Variants in CSN3 observed in about 807,000 individuals in gnomAD.
CSN3 encodes the protein casein kappa.
A neutral mutation model predicts 9.9 loss-of-function variants in CSN3; 7 were observed. The observed-to-expected ratio is 0.71, with a 90% CI of 0.40 to 1.33. The LOEUF (loss-of-function observed/expected upper bound fraction) is 1.33, where lower values mean the gene tolerates loss of function less well. Among genes scored for constraint, CSN3 ranks in the 40% most tolerant of loss-of-function variants. The pLI is 0.01. For synonymous variants in CSN3, 88 were observed against 82.3 expected (o/e 1.07, Z -0.37); for missense variants, 253 against 227.9 (o/e 1.11, Z -0.71).
At chr4:70,245,010 AT>A (rs1199898144) in intron 2 of CSN3, 137 bp downstream of exon 2, 2 of 398,958 alleles carry the variant, frequency 5.0e-6, no homozygotes, top group Non-Finnish European at 8.8e-6. Flanking sequence ...TTTAAGGTTA[AT>A]TTTTTTAATA....
chr4:70,249,527 AC>A, intron 4 of CSN3, 34 bp downstream of exon 4: 1 of 1,197,110 alleles, frequency 8.4e-7, no homozygotes, highest in Non-Finnish European at 1.2e-6. Flanking sequence ...AGTAATTCCG[AC>A]AAGAAGCATG....
Position 70,247,805 on chromosome 4 carries a change from T to C in CSN3, c.55-13T>C. 1 of 1,583,520 alleles carries C rather than the reference T, an allele frequency of 6.3e-7. No homozygotes were observed. The highest frequency in any genetic ancestry group is 8.6e-7 in the Non-Finnish European group (1 of 1,169,048). On this transcript the variant is annotated splice_polypyrimidine_tract_variant and intron_variant, in intron 2 of 4. Transcript: ENST00000304954. Reference sequence around the variant, plus strand: ...ACTTATTTCTCATTATTTCTTCTTCTGGAACTCCCCAGGCTGTGGAGGTTC... The same window carrying C: ...ACTTATTTCTCATTATTTCTTCTTCCGGAACTCCCCAGGCTGTGGAGGTTC...
intron 1 of CSN3, among the ~76,000 whole-genome samples, chr4:70,244,211 T>C (rs944623207): frequency 6.6e-6 from 1 of 152,100 alleles, no homozygotes; most frequent in Non-Finnish European, 1.5e-5. Flanking sequence ...TTTTAACCCA[T>C]CATTATCTTA....
At chr4:70,246,353 A>G (rs1730376787) in intron 2 of CSN3, among the ~76,000 whole-genome samples, 1 of 152,136 alleles carries the variant, frequency 6.6e-6, no homozygotes, top group Non-Finnish European at 1.5e-5. Context: ...GGTATTAACG[A>G]AAATTATTAA....
At chr4:70,248,038 A>T (rs773517165) in intron 3 of CSN3, among the ~76,000 whole-genome samples, 188 bp downstream of exon 3, 2 of 152,190 alleles carry the variant, frequency 1.3e-5, no homozygotes, top group Non-Finnish European at 2.9e-5. Flanking sequence ...GTTCATCTGA[A>T]AGTTTTATTT....
intron 2 of CSN3, 56 bp from the exon 3 acceptor site, chr4:70,247,762 C>T: frequency 7.3e-7 from 1 of 1,376,912 alleles, no homozygotes; most frequent in Non-Finnish European, 1.0e-6. Context: ...GATTTAAGTA[C>T]TTTTTTTTTC....
At chr4:70,249,483 A>T (rs749896746) in exon 4 of CSN3, 1 of 1,558,146 alleles carries the variant, frequency 6.4e-7, no homozygotes, top group Non-Finnish European at 8.8e-7. Flanking sequence ...ATATCAAAGA[A>T]CACAACGCAG....
In CSN3 at chr4:70,249,455, CAT is replaced by C; in HGVS notation, c.547_548del (p.Ter183LysfsTer15). The C allele has an allele frequency of 6.2e-7, 1 of 1,608,286 alleles. No homozygotes were observed. Among genetic ancestry groups the C allele is most frequent in the Non-Finnish European group, 8.5e-7 (1 of 1,175,488 alleles). The stretch of plus-strand genomic sequence containing the variant: ...ACAGTTGCAGTTACTCCACCTACGG[CAT>C]AAAAACACCAAGGAAATATCAAAGA... On this transcript the variant is annotated frameshift_variant and stop_lost, in exon 4 of 5. Coordinates refer to ENST00000304954, the Ensembl canonical transcript of CSN3. LOFTEE classifies it low-confidence loss of function (END_TRUNC).
At chr4:70,244,973 A>C in intron 2 of CSN3, 100 bp downstream of exon 2, 1 of 550,336 alleles carries the variant, frequency 1.8e-6, no homozygotes, top group Non-Finnish European at 3.1e-6. Context: ...GCTTCATAGA[A>C]CAAAATATCC....
intron 2 of CSN3, among the ~76,000 whole-genome samples, chr4:70,247,126 G>A (rs1730393899): frequency 1.3e-5 from 2 of 151,800 alleles, no homozygotes; most frequent in Non-Finnish European, 2.9e-5. Flanking sequence ...TATACCCAAG[G>A]AATACATGTG....
intron 2 of CSN3, among the ~76,000 whole-genome samples, chr4:70,246,390 T>C (rs62308382): frequency 0.11 from 17,228 of 152,096 alleles, 1,279 homozygotes; most frequent in East Asian, 0.27. Context: ...CAGATGTTAA[T>C]CATCACTCTG....
At chr4:70,246,061 C>A (rs925695594) in intron 2 of CSN3, among the ~76,000 whole-genome samples, 8 of 147,230 alleles carry the variant, frequency 5.4e-5, no homozygotes, top group African/African-American at 1.7e-4. Context: ...GGGACATGAA[C>A]AAATATACAG....
intron 2 of CSN3, among the ~76,000 whole-genome samples, chr4:70,247,420 G>C (rs1730401386): frequency 6.6e-6 from 1 of 152,040 alleles, no homozygotes; most frequent in South Asian, 2.1e-4. Flanking sequence ...TAGTATGAGA[G>C]CAGAGAAAGG....
upstream of CSN3, among the ~76,000 whole-genome samples, chr4:70,241,103 A>G (rs1308457180): frequency 2.6e-5 from 4 of 152,070 alleles, no homozygotes; most frequent in South Asian, 2.1e-4. Flanking sequence ...ATTACTCTAA[A>G]TAAATGGCTG....
intron 2 of CSN3, among the ~76,000 whole-genome samples, chr4:70,246,286 C>T (rs1430257478): frequency 6.6e-6 from 1 of 152,026 alleles, no homozygotes; most frequent in African/African-American, 2.4e-5. Flanking sequence ...TTTTCTATAC[C>T]ACAATTTCAT....
At chr4:70,245,176 T>G (rs1055093846) in intron 2 of CSN3, among the ~76,000 whole-genome samples, 14 of 152,094 alleles carry the variant, frequency 9.2e-5, no homozygotes, top group Non-Finnish European at 5.9e-5. Context: ...GAAAACATTT[T>G]AAAATTGTAA....
At chr4:70,249,452 C>T (rs765381118) in exon 4 of CSN3, 137 of 1,610,610 alleles carry the variant, frequency 8.5e-5, no homozygotes, top group Admixed American at 2.2e-4. Flanking sequence ...ACTCCACCTA[C>T]GGCATAAAAA....
exon 4 of CSN3, chr4:70,249,465 C>G (rs2109699533): frequency 1.2e-6 from 2 of 1,600,942 alleles, no homozygotes; most frequent in Non-Finnish European, 8.6e-7. Flanking sequence ...CATAAAAACA[C>G]CAAGGAAATA....
intron 3 of CSN3, among the ~76,000 whole-genome samples, chr4:70,248,172 C>A (rs1179250972): frequency 2.0e-5 from 3 of 152,092 alleles, no homozygotes; most frequent in African/African-American, 4.8e-5. Flanking sequence ...TTTCCCCTTT[C>A]CACTTTTTAA....
Sources: allele counts gnomAD v4.1 joint callset (sites outside exome capture counted in the v4.1 genomes callset), GRCh38; gene constraint gnomAD v4.1.1; transcripts MANE v1.5; gene names NCBI Gene and HGNC (gene_info 2026-07-23, HGNC 2026-07-21).